Variants in AFF3 observed in about 807,000 individuals in gnomAD.
The protein encoded by AFF3 is ALF transcription elongation factor 3, also known as AF4/FMR2 family member 3.
In AFF3, 32 loss-of-function variants were observed where a neutral mutation model predicts 129.7. The ratio of observed to expected loss-of-function variants is 0.25; its 90% confidence interval spans 0.19 to 0.33. The LOEUF is 0.33. Among genes scored for constraint, AFF3 ranks in the 10% least tolerant of loss-of-function variants. The probability of loss-of-function intolerance (pLI) is 1.00; values close to 1 mark genes in which losing one functional copy is unlikely to be tolerated. For missense variants in AFF3, 1,373 were observed against 1,592.0 expected (o/e 0.86, Z 2.34); for synonymous variants, 644 against 635.4 (o/e 1.01, Z -0.20).
intron 7 of AFF3, among the ~76,000 whole-genome samples, chr2:99,994,363 G>A (rs1256749748): frequency 1.3e-5 from 2 of 151,960 alleles, no homozygotes; most frequent in African/African-American, 4.8e-5. Context: ...GAAAGAGAGA[G>A]GTAAAAAAAG....
chr2:100,046,799 A>T (rs555161848), intron 4 of AFF3, among the ~76,000 whole-genome samples: 4 of 152,324 alleles, frequency 2.6e-5, no homozygotes, highest in African/African-American at 9.6e-5. Flanking sequence ...ACTCTCAGCC[A>T]GGCATCTTGA....
chr2:99,878,129 T>C (rs373874384), intron 7 of AFF3, among the ~76,000 whole-genome samples: 22 of 152,260 alleles, frequency 1.4e-4, no homozygotes, highest in African/African-American at 5.3e-4. Flanking sequence ...AAATTTGTGG[T>C]AAGCAGTAGG....
chr2:99,899,002 C>T (rs1304332577), intron 7 of AFF3, among the ~76,000 whole-genome samples: 1 of 152,192 alleles, frequency 6.6e-6, no homozygotes, highest in Non-Finnish European at 1.5e-5. Context: ...CTAATCTCAC[C>T]TTCTAAACCA....
At chr2:99,966,515 C>T (rs1202137001) in intron 7 of AFF3, among the ~76,000 whole-genome samples, 1 of 149,822 alleles carries the variant, frequency 6.7e-6, no homozygotes, top group Non-Finnish European at 1.5e-5. Flanking sequence ...ACGGTGAAAC[C>T]CCGTCTCTAC....
chr2:100,007,359 G>A lies in AFF3; in HGVS notation c.276C>T (p.Leu92=), dbSNP rs368156440. 2.2e-5 allele frequency: 35 copies of A among 1,613,984 alleles called. No homozygotes were observed. The highest frequency in any genetic ancestry group is 4.0e-5 in the African/African-American group (3 of 75,052). The stretch of plus-strand genomic sequence containing the variant: ...GAACCCCAGGTTTGGGAACTCCAAC[G>A]AGATGACTCTGATTGGATCTATCAG... ...FLTDRSNQSH[L]VGVPKPGVPQ... Residue 92 remains leucine, a synonymous_variant, in exon 6 of 25, where the codon CTC becomes CTT. Coordinates refer to ENST00000672756, the MANE Select transcript of AFF3 (RefSeq NM_001386135.1).
intron 8 of AFF3, among the ~76,000 whole-genome samples, chr2:99,763,322 C>T (rs1260585252): frequency 2.0e-5 from 3 of 152,186 alleles, no homozygotes; most frequent in African/African-American, 7.2e-5. Flanking sequence ...TATTTTACCA[C>T]TCTACAGTAA....
chr2:99,672,178 T>TCTCA (rs1491462202), intron 12 of AFF3, among the ~76,000 whole-genome samples: 1 of 56,368 alleles, frequency 1.8e-5, no homozygotes, highest in Non-Finnish European at 3.1e-5. Context: ...AGTTAGCTTC[T>TCTCA]CACACACACA....
At chr2:99,628,174 G>A (rs1682777252) in intron 13 of AFF3, among the ~76,000 whole-genome samples, 1 of 152,152 alleles carries the variant, frequency 6.6e-6, no homozygotes, top group East Asian at 1.9e-4. Context: ...CCATTTTCAT[G>A]ACATTGATTC....
At chr2:99,560,529 G>A in intron 20 of AFF3, 93 bp from the exon 21 acceptor site, 7 of 1,171,538 alleles carry the variant, frequency 6.0e-6, no homozygotes, top group South Asian at 1.4e-5. Context: ...CTTCTATGAT[G>A]GTAGTTCTCC....
intron 7 of AFF3, among the ~76,000 whole-genome samples, chr2:99,881,793 C>T (rs1188511347): frequency 6.6e-6 from 1 of 152,112 alleles, no homozygotes; most frequent in Non-Finnish European, 1.5e-5. Context: ...AAGCAAACAC[C>T]AGTTCAACCA....
chr2:99,639,347 G>A (rs1173222981), intron 13 of AFF3, among the ~76,000 whole-genome samples: 1 of 152,170 alleles, frequency 6.6e-6, no homozygotes, highest in Non-Finnish European at 1.5e-5. Context: ...AGTGGATTGA[G>A]CTAACAGCCA....
chr2:100,112,181 A>G (rs1691535713), intron 2 of AFF3, among the ~76,000 whole-genome samples: 1 of 152,210 alleles, frequency 6.6e-6, no homozygotes, highest in Non-Finnish European at 1.5e-5. Flanking sequence ...GTCTTTGCTC[A>G]GTGGAATACC....
At position 99,551,556 on chromosome 2, in the gene AFF3, G is replaced by C; in HGVS notation, c.3599C>G (p.Thr1200Ser). ...CAGGTGCTCCATGCTGCTGTGCAGGGTGACCGGCCCCATGAGCAGATCCAG... is the reference window on the plus strand; with the variant it reads ...CAGGTGCTCCATGCTGCTGTGCAGGCTGACCGGCCCCATGAGCAGATCCAG... ...NDLDLLMGPV[T>S]LHSSMEHLVQ... Residue 1200 changes from threonine (T) to serine (S), a missense_variant, in exon 25 of 25, where the codon ACC becomes AGC. Around this residue, in one of 9 missense-constraint regions of AFF3, gnomAD observed 165 missense variants for 234.0 expected, o/e 0.71. Coordinates refer to ENST00000672756, the MANE Select transcript of AFF3 (RefSeq NM_001386135.1). 1 of 1,614,152 alleles carries C rather than the reference G, an allele frequency of 6.2e-7. No homozygotes were observed. The highest frequency in any genetic ancestry group is 8.5e-7 in the Non-Finnish European group (1 of 1,180,032).
intron 4 of AFF3, among the ~76,000 whole-genome samples, chr2:100,060,602 A>T (rs191577856): frequency 6.6e-5 from 10 of 152,132 alleles, no homozygotes; most frequent in African/African-American, 1.9e-4. Flanking sequence ...AAAAATATTT[A>T]AAAATTCTAC....
intron 7 of AFF3, among the ~76,000 whole-genome samples, chr2:99,996,662 G>A (rs1286674781): frequency 1.3e-5 from 2 of 151,602 alleles, no homozygotes; most frequent in Admixed American, 6.6e-5. Context: ...TTACGGGCGT[G>A]AGCCACCGCG....
chr2:100,034,169 C>T (rs548757989), intron 4 of AFF3, among the ~76,000 whole-genome samples: 49 of 152,226 alleles, frequency 3.2e-4, no homozygotes, highest in African/African-American at 9.6e-4. Flanking sequence ...AAGGCTTTCC[C>T]GCATGACTCT....
chr2:99,582,937 T>G lies in AFF3; in HGVS notation c.2654A>C (p.Asp885Ala). 1 of 1,614,160 alleles carries G rather than the reference T, an allele frequency of 6.2e-7. No individual in the cohort carries two copies. The highest frequency in any genetic ancestry group is 8.5e-7 in the Non-Finnish European group (1 of 1,180,026). The change falls in exon 17 of 25, where the codon GAT becomes GCT. Residue 885 changes from aspartate (D) to alanine (A), a missense_variant. Physicochemically the swap from Asp to Ala is moderately radical, Grantham distance 126. Coordinates refer to ENST00000672756, the MANE Select transcript of AFF3 (RefSeq NM_001386135.1). ...MLRSPISPLS[D>A]ASKHKYTSED... ...GCTGGTGTATTTGTGTTTAGATGCA[T>G]CAGAGAGGGGTGAGATGGGCGACCG...
intron 11 of AFF3, among the ~76,000 whole-genome samples, chr2:99,675,121 C>T (rs1464852327): frequency 6.6e-6 from 1 of 152,130 alleles, no homozygotes; most frequent in Non-Finnish European, 1.5e-5. Flanking sequence ...TGTGAATAAT[C>T]ATCACTCTGT....
At chr2:99,795,342 C>T (rs1032360589) in intron 8 of AFF3, among the ~76,000 whole-genome samples, 24 of 151,802 alleles carry the variant, frequency 1.6e-4, no homozygotes, top group African/African-American at 5.8e-4. Context: ...ATAATGTGCA[C>T]ACATGGACAC....
Sources: allele counts gnomAD v4.1 joint callset (sites outside exome capture counted in the v4.1 genomes callset), GRCh38; gene constraint gnomAD v4.1.1; regional missense constraint gnomAD v4.1.1; transcripts MANE v1.5; gene names NCBI Gene and HGNC (gene_info 2026-07-23, HGNC 2026-07-21).